The following KAZN variants were observed in gnomAD, a reference collection of about 807,000 sequenced individuals.
KAZN encodes kazrin, periplakin interacting protein.
KAZN carries 40 observed loss-of-function variants against 87.4 expected under a neutral mutation model. The observed-to-expected ratio is 0.46, with a 90% CI of 0.36 to 0.60. KAZN has a LOEUF of 0.60. Among genes scored for constraint, KAZN ranks in the 20% least tolerant of loss-of-function variants. The probability of loss-of-function intolerance (pLI) is 0.00; values close to 1 mark genes in which losing one functional copy is unlikely to be tolerated. For synonymous variants in KAZN, 466 were observed against 458.3 expected (o/e 1.02, Z -0.22); for missense variants, 898 against 1,073.9 (o/e 0.84, Z 2.29).
At chr1:14,728,648 AT>A (rs763180802) in intron 1 of KAZN, among the ~76,000 whole-genome samples, 1 of 152,126 alleles carries the variant, frequency 6.6e-6, no homozygotes, top group Non-Finnish European at 1.5e-5. Flanking sequence ...GGCTTCCCGT[AT>A]TGGAGGCTTT....
chr1:14,955,233 A>G (rs1662944179), intron 1 of KAZN, among the ~76,000 whole-genome samples: 1 of 152,266 alleles, frequency 6.6e-6, no homozygotes, highest in Non-Finnish European at 1.5e-5. Flanking sequence ...CCGTCAGTGC[A>G]GAGGGGAAGG....
intron 2 of KAZN, among the ~76,000 whole-genome samples, chr1:14,539,738 G>A (rs12024340): frequency 0.024 from 3,630 of 151,846 alleles, 87 homozygotes; most frequent in South Asian, 0.09. Flanking sequence ...AACGCCAGAC[G>A]TTTTTAGGCC....
chr1:14,114,514 G>T (rs906029198), intron 1 of KAZN, among the ~76,000 whole-genome samples: 3 of 151,718 alleles, frequency 2.0e-5, no homozygotes, highest in Non-Finnish European at 2.9e-5. Flanking sequence ...CCACCCCACC[G>T]TCGATGCCCC....
intron 1 of KAZN, among the ~76,000 whole-genome samples, chr1:14,122,474 C>A (rs1269178653): frequency 2.0e-5 from 3 of 152,122 alleles, no homozygotes; most frequent in Non-Finnish European, 4.4e-5. Flanking sequence ...ATTTCATTCC[C>A]ATCACAATCC....
At chr1:14,685,731 A>G (rs143296943) in intron 1 of KAZN, among the ~76,000 whole-genome samples, 58 of 152,322 alleles carry the variant, frequency 3.8e-4, no homozygotes, top group African/African-American at 1.4e-3. Context: ...AGATACGGTC[A>G]AGACAACTAT....
chr1:14,267,318 T>C lies in KAZN; in HGVS notation c.249+86726T>C, dbSNP rs960120625. 2.7e-5 allele frequency among the ~76,000 whole-genome samples: 4 copies of C among 148,108 alleles called. No individual in the cohort carries two copies. The East Asian group carries it at 7.9e-4, about 29-fold the overall frequency. On this transcript the variant is annotated intron_variant, in intron 2 of 16. Transcript: ENST00000636203. ...CTGGGCCACACTGGAAGAAGAATTG[T>C]CTTGGGCTACACATAAAATACACTA...
In KAZN at chr1:14,363,757, G is replaced by A. The variant is rs72869025; in HGVS notation, c.249+183165G>A. 4.9e-3 allele frequency among the ~76,000 whole-genome samples: 741 copies of A among 152,236 alleles called. 6 individuals are homozygous for A. The highest frequency in any genetic ancestry group is 0.017 in the African/African-American group (705 of 41,548). On this transcript the variant is annotated intron_variant, in intron 2 of 16. Coordinates refer to the KAZN transcript ENST00000636203. Reference sequence around the variant, plus strand: ...AAGAGACAGTGACCATATGTGTCCTGCAAAGCCAAAAATACTTCCTGGTCC... The same window carrying A: ...AAGAGACAGTGACCATATGTGTCCTACAAAGCCAAAAATACTTCCTGGTCC...
At chr1:14,176,366 C>G (rs1216354988) in intron 1 of KAZN, among the ~76,000 whole-genome samples, 1 of 152,124 alleles carries the variant, frequency 6.6e-6, no homozygotes, top group Non-Finnish European at 1.5e-5. Context: ...GGTGGTAGAG[C>G]TATCTCAGAT....
intron 2 of KAZN, among the ~76,000 whole-genome samples, chr1:14,402,743 A>G (rs2101140496): frequency 6.6e-6 from 1 of 152,326 alleles, no homozygotes; most frequent in South Asian, 2.1e-4. Context: ...TAACCCTATT[A>G]TAATGAAAAC....
At chr1:13,958,818 G>C (rs924060748) in intron 1 of KAZN, among the ~76,000 whole-genome samples, 1 of 152,050 alleles carries the variant, frequency 6.6e-6, no homozygotes, top group Non-Finnish European at 1.5e-5. Flanking sequence ...AATGTGGCTG[G>C]AGCCAAGGCG....
chr1:14,493,940 C>T (rs551689922), intron 2 of KAZN, among the ~76,000 whole-genome samples: 12 of 152,320 alleles, frequency 7.9e-5, no homozygotes, highest in African/African-American at 2.9e-4. Flanking sequence ...GGTTGTGTCT[C>T]AAGACAATTC....
At position 14,242,063 on chromosome 1, in the gene KAZN, A is replaced by G. The variant is rs61394759; in HGVS notation, c.249+61471A>G. On this transcript the variant is annotated intron_variant, in intron 2 of 16. Transcript: ENST00000636203. ...CTGACCTGTTGCTCCTTGAAGTATC[A>G]TCTTAAAGATGCTCTCCAGAAAGTG... Among the ~76,000 whole-genome samples the G allele has an allele frequency of 9.2e-3, 1,406 of 152,286 alleles. 30 individuals carry two copies. The highest frequency in any genetic ancestry group is 0.032 in the African/African-American group (1,322 of 41,566).
intron 1 of KAZN, among the ~76,000 whole-genome samples, chr1:13,968,923 C>T (rs936033214): frequency 1.3e-5 from 2 of 152,164 alleles, no homozygotes; most frequent in Admixed American, 6.5e-5. Flanking sequence ...GCTAAGATTC[C>T]ATATTCAGTT....
At chr1:14,272,586 C>G (rs1010410797) in intron 2 of KAZN, among the ~76,000 whole-genome samples, 1 of 152,180 alleles carries the variant, frequency 6.6e-6, no homozygotes, top group Non-Finnish European at 1.5e-5. Context: ...TGGCTGGGCA[C>G]AGTGGCTCAC....
At chr1:13,945,979 C>T (rs918398685) in intron 1 of KAZN, among the ~76,000 whole-genome samples, 3 of 152,140 alleles carry the variant, frequency 2.0e-5, no homozygotes, top group African/African-American at 7.2e-5. Context: ...CAAAAAAGGC[C>T]TCTCTCCAGC....
intron 2 of KAZN, among the ~76,000 whole-genome samples, chr1:14,489,268 AT>A (rs1669517858): frequency 4.5e-5 from 5 of 111,030 alleles, no homozygotes; most frequent in Non-Finnish European, 9.3e-5. Flanking sequence ...GGGACTCTAT[AT>A]ATCTATTATA....
intron 1 of KAZN, among the ~76,000 whole-genome samples, chr1:14,128,388 C>T (rs1238264552): frequency 2.0e-5 from 3 of 151,782 alleles, no homozygotes; most frequent in East Asian, 3.9e-4. Context: ...ATCCTACAGA[C>T]TGGGTGGCTT....
At position 14,773,252 on chromosome 1, in the gene KAZN, G is replaced by A. The variant is rs894185276; in HGVS notation, c.226+174029G>A. On this transcript the variant is annotated intron_variant, in intron 1 of 14. Coordinates refer to ENST00000376030, the MANE Select transcript of KAZN (RefSeq NM_201628.3). The surrounding 1 kb of genome is among the most constrained non-coding windows in gnomAD (Gnocchi z 5.9). ...GGAAGAGATCTGATACTGAGATCCC[G>A]CTAGTCATGGGGTGAGCTACAGTGG... is the stretch of plus-strand genomic sequence containing the variant. 2.0e-5 allele frequency among the ~76,000 whole-genome samples: 3 copies of A among 152,112 alleles called. No homozygotes were observed. Among genetic ancestry groups the A allele is most frequent in the Non-Finnish European group, 4.4e-5 (3 of 68,022 alleles).
chr1:14,119,061 A>T (rs945976211), intron 1 of KAZN, among the ~76,000 whole-genome samples: 3 of 152,124 alleles, frequency 2.0e-5, no homozygotes, highest in Non-Finnish European at 2.9e-5. Context: ...AACAAAAAAA[A>T]CCCTTTGCTA....
Sources: gnomAD v4.1 joint callset for allele counts (sites outside exome capture counted in the v4.1 genomes callset) on GRCh38, gnomAD v4.1.1 for gene constraint, Gnocchi (gnomAD v3.1) non-coding constraint, MANE v1.5 for transcripts, NCBI Gene and HGNC (gene_info 2026-07-23, HGNC 2026-07-21) for gene names.